The following SYNE1 variants were observed in gnomAD, a reference collection of about 807,000 sequenced individuals.
The protein encoded by SYNE1 is nesprin-1.
Under a neutral mutation model 1,111.0 loss-of-function variants are expected in SYNE1, and 616 were observed. The ratio of observed to expected loss-of-function variants is 0.55; its 90% CI spans 0.52 to 0.59. The LOEUF (loss-of-function observed/expected upper bound fraction) is 0.59. SYNE1 is among the 20% of genes least tolerant of loss of function. SYNE1 has a pLI of 0.00. For synonymous variants in SYNE1, 3,855 were observed against 3,825.8 expected (o/e 1.01, Z -0.28); for missense variants, 10,006 against 10,417.0 (o/e 0.96, Z 1.72).
intron 3 of SYNE1, among the ~76,000 whole-genome samples, chr6:152,592,338 G>A (rs995164694): frequency 6.6e-6 from 1 of 152,110 alleles, no homozygotes; most frequent in Admixed American, 6.5e-5. Context: ...TGGTAGACTG[G>A]ATGGAGAAAA....
rs149619668 is a variant in SYNE1 at position 152,235,606 on chromosome 6, C to A, written c.20396+501G>T. Among the ~76,000 whole-genome samples, 253 of 152,284 alleles carry A rather than the reference C, an allele frequency of 1.7e-3. 4 individuals are homozygous for A. Among genetic ancestry groups the A allele is most frequent in the African/African-American group, 5.5e-3 (229 of 41,560 alleles). On this transcript the variant is annotated intron_variant, in intron 110 of 145. Transcript: ENST00000367255. The stretch of plus-strand genomic sequence containing the variant: ...GAACTCCTGACCTCAGGGGATCTGC[C>A]CGCCTCAGCCTCCCAAAGTGTTGGG...
intron 32 of SYNE1, among the ~76,000 whole-genome samples, chr6:152,440,399 T>C (rs2098517801): frequency 6.6e-6 from 1 of 152,120 alleles, no homozygotes; most frequent in Admixed American, 6.5e-5. Context: ...CCAAATTTCC[T>C]TTACAAATTC....
At chr6:152,613,156 C>T (rs9397113) in intron 3 of SYNE1, among the ~76,000 whole-genome samples, 124,450 of 152,110 alleles carry the variant, frequency 0.82, 51,349 homozygotes, top group African/African-American at 0.92. Context: ...AGGGCACTCA[C>T]TGAAGAGAAA....
chr6:152,310,818 T>A lies in SYNE1; in HGVS notation c.16766A>T (p.Lys5589Ile). 1 of 1,614,164 alleles carries A rather than the reference T, an allele frequency of 6.2e-7. No homozygotes were observed. The highest frequency in any genetic ancestry group is 2.2e-5 in the East Asian group (1 of 44,884). Residue 5589 changes from lysine (K) to isoleucine (I), a missense_variant, in exon 88 of 146, where the codon AAA becomes ATA. Around this residue, in one of 7 missense-constraint regions of SYNE1, gnomAD observed 4,955 missense variants for 5,017.2 expected, o/e 0.99. Coordinates refer to ENST00000367255, the MANE Select transcript of SYNE1 (RefSeq NM_182961.4). ...GTACACGCTAGTGAGGTACTGTAAT[T>A]TCTCAGTCATTGCTTCCAGCTCACT... ...IDSELEAMTEKLQYLTSVYCT... is the reference protein window; with the variant it reads ...IDSELEAMTEILQYLTSVYCT...
intron 108 of SYNE1, 105 bp downstream of exon 108, chr6:152,239,428 T>C: frequency 7.2e-7 from 1 of 1,381,306 alleles, no homozygotes; most frequent in Non-Finnish European, 1.0e-6. Flanking sequence ...CAGCTAGTTC[T>C]GAGGTTATGT....
chr6:152,164,468 A>G, intron 130 of SYNE1, 143 bp from the exon 131 acceptor site: 1 of 954,230 alleles, frequency 1.0e-6, no homozygotes, highest in Admixed American at 2.2e-5. Flanking sequence ...GACAGAAGAC[A>G]AAGGAGGATA....
chr6:152,534,169 T>TG (rs1485427195), intron 4 of SYNE1, among the ~76,000 whole-genome samples: 214 of 145,368 alleles, frequency 1.5e-3, no homozygotes, highest in African/African-American at 5.3e-3. Flanking sequence ...AAAAAATAAA[T>TG]AAATGAATGA....
At position 152,253,817 on chromosome 6, in the gene SYNE1, GGTTTTTTTTTTTTTTTTTTTTT is replaced by G. The variant is rs1221524181; in HGVS notation, c.19470+1041_19470+1062del. ...ATGCTACATTTATGTGTAGTGGTTT[GGTTTTTTTTTTTTTTTTTTTTT>G]TTTTTTTTTTTTTTTTTTTTTGCAA... On this transcript the variant is annotated intron_variant, in intron 104 of 145. Coordinates refer to ENST00000367255, the MANE Select transcript of SYNE1 (RefSeq NM_182961.4). 1.3e-3 allele frequency among the ~76,000 whole-genome samples: 79 copies of G among 59,158 alleles called. 3 individuals are homozygous for G. Among genetic ancestry groups the G allele is most frequent in the East Asian group, 4.3e-3 (6 of 1,380 alleles). The allele number at this position is 59,158 out of a possible 152,430, so 38.8% of individuals were successfully genotyped here.
chr6:152,574,167 T>G (rs1024442164), intron 3 of SYNE1, among the ~76,000 whole-genome samples: 3 of 145,670 alleles, frequency 2.1e-5, no homozygotes, highest in Non-Finnish European at 3.0e-5. Flanking sequence ...TATATGTATA[T>G]ATATACACAC....
chr6:152,592,972 G>A (rs767039173), intron 3 of SYNE1, among the ~76,000 whole-genome samples: 1 of 152,054 alleles, frequency 6.6e-6, no homozygotes, highest in Admixed American at 6.5e-5. Context: ...TCCTGGGGTG[G>A]GCTCTGACCA....
chr6:152,208,426 G>T (rs1324803808), intron 124 of SYNE1, among the ~76,000 whole-genome samples: 1 of 152,146 alleles, frequency 6.6e-6, no homozygotes, highest in African/African-American at 2.4e-5. Context: ...GTGTTTTCAT[G>T]TCTCAGCATA....
intron 51 of SYNE1, among the ~76,000 whole-genome samples, chr6:152,394,406 G>A (rs2097698262): frequency 6.7e-6 from 1 of 148,776 alleles, no homozygotes. Flanking sequence ...GGCTCTTTAA[G>A]AGGACAGGTA....
Position 152,418,447 on chromosome 6 carries a change from G to A in SYNE1, c.5421+1122C>T, listed in dbSNP as rs1294378206. On this transcript the variant is annotated intron_variant, in intron 40 of 145. Transcript: ENST00000367255. ...AGAACCAATTAGTCAACCCAGCAAG[G>A]AGTGAACACTCAATAAATATGAAAT... is the stretch of plus-strand genomic sequence containing the variant. Among the ~76,000 whole-genome samples the A allele has an allele frequency of 2.0e-5, 3 of 152,170 alleles. No individual in the cohort carries two copies. The East Asian group carries it at 5.8e-4, about 29-fold the overall frequency.
At chr6:152,337,916 G>A (rs1169248677) in intron 75 of SYNE1, among the ~76,000 whole-genome samples, 1 of 152,146 alleles carries the variant, frequency 6.6e-6, no homozygotes, top group Non-Finnish European at 1.5e-5. Context: ...GGGAGGCCAA[G>A]TCAGGTGGAT....
At chr6:152,547,267 A>C (rs1029267830) in intron 3 of SYNE1, among the ~76,000 whole-genome samples, 2 of 152,256 alleles carry the variant, frequency 1.3e-5, no homozygotes, top group Non-Finnish European at 2.9e-5. Context: ...GTGTTGCTCT[A>C]ACAAAAATCT....
intron 104 of SYNE1, among the ~76,000 whole-genome samples, chr6:152,252,545 T>C (rs918969209): frequency 1.3e-5 from 2 of 152,218 alleles, no homozygotes; most frequent in Non-Finnish European, 2.9e-5. Context: ...CTTTTTGGTA[T>C]AGAATAATGT....
intron 87 of SYNE1, chr6:152,316,547 T>G: frequency 2.6e-6 from 1 of 383,116 alleles, no homozygotes; most frequent in Non-Finnish European, 4.9e-6. Context: ...TCCCACCAGA[T>G]CCCTGCAGAT....
chr6:152,222,710 A>G (rs1294091026), intron 117 of SYNE1, among the ~76,000 whole-genome samples: 1 of 152,190 alleles, frequency 6.6e-6, no homozygotes, highest in Non-Finnish European at 1.5e-5. Flanking sequence ...GTAGAATGGT[A>G]GTTACCAGGG....
intron 27 of SYNE1, 74 bp from the exon 28 acceptor site, chr6:152,449,715 A>G: frequency 8.5e-7 from 1 of 1,171,928 alleles, no homozygotes; most frequent in East Asian, 2.3e-5. Flanking sequence ...TCTATTTTGA[A>G]TTCACTCATG....
Sources: gnomAD v4.1 joint callset for allele counts (sites outside exome capture counted in the v4.1 genomes callset) on GRCh38, gnomAD v4.1.1 for gene constraint, gnomAD v4.1.1 regional missense constraint, MANE v1.5 for transcripts, NCBI Gene and HGNC (gene_info 2026-07-23, HGNC 2026-07-21) for gene names.